Variants in ARHGAP10 observed in about 807,000 individuals in gnomAD.
ARHGAP10 encodes rho GTPase-activating protein 10.
A neutral mutation model predicts 108.6 loss-of-function variants in ARHGAP10; 87 were observed. The observed-to-expected ratio is 0.80, with a 90% CI of 0.67 to 0.96. The LOEUF (loss-of-function observed/expected upper bound fraction) is 0.96. Among genes scored for constraint, ARHGAP10 ranks in the 40% least tolerant of loss-of-function variants. The pLI is 0.00. For missense variants in ARHGAP10, 939 were observed against 954.5 expected (o/e 0.98, Z 0.21); for synonymous variants, 347 against 341.1 (o/e 1.02, Z -0.19).
chr4:147,906,419 G>T (rs1264918026), intron 10 of ARHGAP10, among the ~76,000 whole-genome samples: 1 of 152,082 alleles, frequency 6.6e-6, no homozygotes, highest in African/African-American at 2.4e-5. Flanking sequence ...GATGAAAAAA[G>T]TTCTGTTAAT....
chr4:147,910,927 C>T (rs550681077), intron 12 of ARHGAP10, among the ~76,000 whole-genome samples: 2 of 152,064 alleles, frequency 1.3e-5, no homozygotes, highest in Non-Finnish European at 2.9e-5. Flanking sequence ...GAGGCACCTT[C>T]TTACCCCTCT....
At chr4:147,794,913 T>C (rs1371508718) in intron 1 of ARHGAP10, among the ~76,000 whole-genome samples, 4 of 152,242 alleles carry the variant, frequency 2.6e-5, no homozygotes, top group Non-Finnish European at 5.9e-5. Flanking sequence ...TTCCAACATG[T>C]TATCACTCAT....
chr4:147,964,701 G>A (rs866905041), intron 16 of ARHGAP10, among the ~76,000 whole-genome samples: 1 of 152,144 alleles, frequency 6.6e-6, no homozygotes, highest in South Asian at 2.1e-4. Context: ...TCGAGTAAAC[G>A]ATGAACAGAC....
At chr4:147,893,703 G>A (rs375097702) in intron 10 of ARHGAP10, among the ~76,000 whole-genome samples, 109 of 151,798 alleles carry the variant, frequency 7.2e-4, no homozygotes, top group African/African-American at 2.2e-3. Context: ...AGGGCTTTGT[G>A]TCTTGACTCT....
intron 20 of ARHGAP10, among the ~76,000 whole-genome samples, chr4:148,060,447 T>A (rs571250321): frequency 4.8e-4 from 73 of 151,538 alleles, no homozygotes; most frequent in African/African-American, 1.7e-3. Flanking sequence ...TGGCTTTAGA[T>A]GTGAACCCAT....
intron 18 of ARHGAP10, among the ~76,000 whole-genome samples, chr4:148,019,182 T>C (rs576191359): frequency 1.3e-5 from 2 of 152,344 alleles, no homozygotes; most frequent in African/African-American, 4.8e-5. Flanking sequence ...ATAACTTGGC[T>C]CAGAGCACTG....
At chr4:147,762,943 A>G (rs536758703) in intron 1 of ARHGAP10, among the ~76,000 whole-genome samples, 2 of 152,250 alleles carry the variant, frequency 1.3e-5, no homozygotes, top group Non-Finnish European at 2.9e-5. Flanking sequence ...GCTAGGGGTA[A>G]TGAAGGATAA....
At chr4:147,826,880 C>G (rs1036599846) in intron 3 of ARHGAP10, among the ~76,000 whole-genome samples, 1 of 152,134 alleles carries the variant, frequency 6.6e-6, no homozygotes, top group Non-Finnish European at 1.5e-5. Context: ...TGCCTCTTTC[C>G]CTCCCCAAGC....
intron 13 of ARHGAP10, among the ~76,000 whole-genome samples, chr4:147,929,142 A>T (rs1025255404): frequency 2.0e-5 from 3 of 152,160 alleles, no homozygotes; most frequent in African/African-American, 7.2e-5. Context: ...TTAAAATGTT[A>T]TTCAGTATTA....
rs568723198 is a variant in ARHGAP10, at chr4:147,905,841, G to A, written c.1035-797G>A. 4.0e-4 allele frequency among the ~76,000 whole-genome samples: 61 copies of A among 151,896 alleles called. No homozygotes were observed. The East Asian group carries it at 4.8e-3, about 12-fold the overall frequency. ...CCTTGGGCAGTATGGCCATTTTCAC[G>A]ATATTGATTCTTCCTATCCATGAGC... On this transcript the variant is annotated intron_variant, in intron 10 of 22. Transcript: ENST00000336498.
At chr4:147,934,827 T>C (rs1022801586) in intron 13 of ARHGAP10, among the ~76,000 whole-genome samples, 9 of 152,184 alleles carry the variant, frequency 5.9e-5, no homozygotes, top group Admixed American at 3.3e-4. Flanking sequence ...AATGAGACCC[T>C]GCCTTAAAAA....
At chr4:147,784,695 T>TTATAAAATATATATTATATATTATAAA (rs1166738896) in intron 1 of ARHGAP10, among the ~76,000 whole-genome samples, 1 of 90,480 alleles carries the variant, frequency 1.1e-5, no homozygotes, top group African/African-American at 4.4e-5. Flanking sequence ...AAAATATATA[T>TTATAAAATATATATTATATATTATAAA]TATAAAATAT....
chr4:147,801,473 G>T (rs540700331), intron 1 of ARHGAP10, among the ~76,000 whole-genome samples: 2 of 152,152 alleles, frequency 1.3e-5, no homozygotes, highest in African/African-American at 2.4e-5. Context: ...TACAGGAAAA[G>T]AATCCAGTGT....
At chr4:147,936,745 T>C (rs1267250872) in intron 13 of ARHGAP10, among the ~76,000 whole-genome samples, 1 of 152,234 alleles carries the variant, frequency 6.6e-6, no homozygotes, top group Admixed American at 6.5e-5. Flanking sequence ...TTTGCTCTTC[T>C]GGTTCTTTAA....
intron 20 of ARHGAP10, among the ~76,000 whole-genome samples, chr4:148,060,344 A>AC (rs1411745355): frequency 0.14 from 17,210 of 120,622 alleles, 1,411 homozygotes; most frequent in Middle Eastern, 0.17. Flanking sequence ...GCTCATGTTT[A>AC]GTTTTTTTTT....
At chr4:147,748,370 G>C (rs1398956873) in intron 1 of ARHGAP10, among the ~76,000 whole-genome samples, 2 of 149,682 alleles carry the variant, frequency 1.3e-5, no homozygotes, top group African/African-American at 5.1e-5. Context: ...CACAACAAAG[G>C]GTATAGAAAC....
chr4:147,761,001 T>A (rs1729566363), intron 1 of ARHGAP10, among the ~76,000 whole-genome samples: 1 of 151,744 alleles, frequency 6.6e-6, no homozygotes, highest in South Asian at 2.1e-4. Context: ...CAGTTTATTT[T>A]GTAAGTTAGA....
intron 1 of ARHGAP10, among the ~76,000 whole-genome samples, chr4:147,759,225 T>G (rs533631902): frequency 8.5e-5 from 13 of 152,320 alleles, no homozygotes; most frequent in African/African-American, 2.9e-4. Flanking sequence ...ATCTGAGAAC[T>G]CCGTATGTTG....
Position 147,732,150 on chromosome 4 carries a change from C to A in ARHGAP10, c.-152C>A. On this transcript the variant is annotated 5_prime_UTR_variant, in exon 1 of 23. Coordinates refer to ENST00000336498, the MANE Select transcript of ARHGAP10 (RefSeq NM_024605.4). ...CTCCGCGCCGCAGGACTCGGCTCTA[C>A]GGGACATGTCCGTGCCGCGCTCGCC... 1.6e-6 allele frequency: 1 copy of A among 615,172 alleles called. No individual in the cohort carries two copies. Among genetic ancestry groups the A allele is most frequent in the Non-Finnish European group, 2.4e-6 (1 of 418,140 alleles). 38.1% of individuals were successfully genotyped at this position (615,172 alleles called of 1,614,324 possible).
Sources: gnomAD v4.1 joint callset for allele counts (sites outside exome capture counted in the v4.1 genomes callset) on GRCh38, gnomAD v4.1.1 for gene constraint, MANE v1.5 for transcripts, NCBI Gene and HGNC (gene_info 2026-07-23, HGNC 2026-07-21) for gene names.